The following GTF2F2 variants were observed in gnomAD, a reference collection of about 807,000 sequenced individuals.
GTF2F2 encodes ATP-dependent helicase GTF2F2.
Under a neutral mutation model 42.2 loss-of-function variants are expected in GTF2F2, and 23 were observed. The ratio of observed to expected loss-of-function variants is 0.55; its 90% CI spans 0.39 to 0.77. The LOEUF is 0.77. Among genes scored for constraint, GTF2F2 ranks in the 30% least tolerant of loss-of-function variants. GTF2F2 has a pLI of 0.00. For synonymous variants in GTF2F2, 105 were observed against 100.8 expected (o/e 1.04, Z -0.25); for missense variants, 261 against 287.2 (o/e 0.91, Z 0.66).
At chr13:45,172,448 A>G (rs1343025732) in intron 4 of GTF2F2, among the ~76,000 whole-genome samples, 1 of 152,152 alleles carries the variant, frequency 6.6e-6, no homozygotes, top group Non-Finnish European at 1.5e-5. Flanking sequence ...CAAATCCCTT[A>G]TTCAGAGATA....
intron 4 of GTF2F2, among the ~76,000 whole-genome samples, chr13:45,155,977 T>C (rs141130964): frequency 2.0e-4 from 31 of 152,258 alleles, no homozygotes; most frequent in Middle Eastern, 3.4e-3. Flanking sequence ...TAGATTTTCT[T>C]CTTTTTTTTT....
intron 1 of GTF2F2, 122 bp downstream of exon 1, chr13:45,120,843 C>T (rs1868592257): frequency 1.4e-6 from 1 of 699,238 alleles, no homozygotes; most frequent in Non-Finnish European, 2.5e-6. Context: ...TAGAGCTTCA[C>T]ACATTTTGAG....
chr13:45,182,591 T>G (rs1872219262), intron 4 of GTF2F2, among the ~76,000 whole-genome samples: 1 of 152,128 alleles, frequency 6.6e-6, no homozygotes, highest in South Asian at 2.1e-4. Context: ...ATCTCAAAAA[T>G]CTGTGAAGTT....
At chr13:45,157,986 A>G (rs912548406) in intron 4 of GTF2F2, among the ~76,000 whole-genome samples, 1 of 152,094 alleles carries the variant, frequency 6.6e-6, no homozygotes, top group Non-Finnish European at 1.5e-5. Flanking sequence ...GTGATACATT[A>G]TTCTTCTATT....
intron 4 of GTF2F2, among the ~76,000 whole-genome samples, chr13:45,166,357 C>T (rs1174654527): frequency 2.0e-5 from 3 of 152,094 alleles, no homozygotes; most frequent in East Asian, 3.9e-4. Flanking sequence ...GTTATAGCAT[C>T]CCCTGGTGAA....
chr13:45,191,224 A>AAAAAAAAAAATATATATATATATATATAT, intron 4 of GTF2F2, among the ~76,000 whole-genome samples: 1 of 75,312 alleles, frequency 1.3e-5, no homozygotes, highest in Non-Finnish European at 2.2e-5. Flanking sequence ...ACAAAAAAAA[A>AAAAAAAAAAATATATATATATATATATAT]ATATATATAT....
At chr13:45,277,347 G>T (rs927473123) in intron 7 of GTF2F2, among the ~76,000 whole-genome samples, 1 of 152,158 alleles carries the variant, frequency 6.6e-6, no homozygotes, top group Non-Finnish European at 1.5e-5. Context: ...CAGTCATGGT[G>T]GAAGCATGTC....
intron 4 of GTF2F2, among the ~76,000 whole-genome samples, chr13:45,170,709 A>C (rs1020570533): frequency 1.3e-5 from 2 of 152,260 alleles, no homozygotes; most frequent in Non-Finnish European, 2.9e-5. Context: ...TAGGGGCTGC[A>C]GTCAGAGAAA....
intron 4 of GTF2F2, among the ~76,000 whole-genome samples, chr13:45,201,620 T>A (rs1345783692): frequency 1.3e-5 from 2 of 152,134 alleles, no homozygotes; most frequent in African/African-American, 4.8e-5. Flanking sequence ...ACCTTTAAAA[T>A]TTTCTCTCGA....
intron 5 of GTF2F2, among the ~76,000 whole-genome samples, chr13:45,221,524 G>A (rs1331189870): frequency 6.6e-6 from 1 of 152,174 alleles, no homozygotes; most frequent in Non-Finnish European, 1.5e-5. Context: ...AATGAAATCA[G>A]TGACAGTGGA....
intron 7 of GTF2F2, among the ~76,000 whole-genome samples, chr13:45,277,292 GA>G (rs1430015268): frequency 2.6e-5 from 4 of 152,188 alleles, no homozygotes; most frequent in African/African-American, 9.7e-5. Context: ...CGGGAAGTAT[GA>G]TGCTGGCATC....
chr13:45,266,152 A>G (rs1876552101), intron 6 of GTF2F2, among the ~76,000 whole-genome samples: 1 of 152,186 alleles, frequency 6.6e-6, no homozygotes, highest in Non-Finnish European at 1.5e-5. Flanking sequence ...GGTACACAAA[A>G]CTGCAGAATA....
intron 1 of GTF2F2, among the ~76,000 whole-genome samples, chr13:45,135,389 A>G (rs1225910896): frequency 1.3e-5 from 2 of 151,992 alleles, no homozygotes; most frequent in Non-Finnish European, 2.9e-5. Flanking sequence ...CCTCCTGAGT[A>G]GCTGGGATTA....
intron 5 of GTF2F2, among the ~76,000 whole-genome samples, chr13:45,234,409 G>T (rs551624588): frequency 6.6e-6 from 1 of 152,260 alleles, no homozygotes; most frequent in Non-Finnish European, 1.5e-5. Flanking sequence ...CAAGCATCTT[G>T]TTCACAAATC....
intron 2 of GTF2F2, among the ~76,000 whole-genome samples, chr13:45,139,665 A>G (rs1483260859): frequency 6.6e-6 from 1 of 152,056 alleles, no homozygotes. Flanking sequence ...TTCTCCTTCT[A>G]CTATACCCAT....
intron 4 of GTF2F2, among the ~76,000 whole-genome samples, chr13:45,162,378 C>T (rs1023941968): frequency 6.6e-6 from 1 of 152,184 alleles, no homozygotes; most frequent in South Asian, 2.1e-4. Flanking sequence ...TGAGTAACAG[C>T]CTTGCCACTG....
chr13:45,231,002 T>G (rs1874647703), intron 5 of GTF2F2, among the ~76,000 whole-genome samples: 1 of 152,090 alleles, frequency 6.6e-6, no homozygotes, highest in Non-Finnish European at 1.5e-5. Flanking sequence ...TTCTTCAGGT[T>G]CAATTCTAGT....
intron 4 of GTF2F2, among the ~76,000 whole-genome samples, chr13:45,186,638 T>G (rs769706607): frequency 3.3e-5 from 5 of 152,144 alleles, no homozygotes; most frequent in Admixed American, 6.6e-5. Flanking sequence ...AAATAAAAAT[T>G]TATCAAATGC....
chr13:45,192,814 T>A (rs1051457478), intron 4 of GTF2F2: 3 of 152,232 alleles, frequency 2.0e-5, no homozygotes, highest in Non-Finnish European at 4.4e-5. Flanking sequence ...GTTCATTTAA[T>A]ATTTTTGAGC....
Sources: allele counts gnomAD v4.1 joint callset (sites outside exome capture counted in the v4.1 genomes callset), GRCh38; gene constraint gnomAD v4.1.1; transcripts MANE v1.5; gene names NCBI Gene and HGNC (gene_info 2026-07-23, HGNC 2026-07-21).